Variants in RABGAP1L observed in about 807,000 individuals in gnomAD.
The protein encoded by RABGAP1L is RAB GTPase activating protein 1 like, also known as rab GTPase-activating protein 1-like.
Under a neutral mutation model 137.7 loss-of-function variants are expected in RABGAP1L, and 63 were observed. That is an observed-to-expected ratio of 0.46 (90% confidence interval 0.37 to 0.56). The LOEUF (loss-of-function observed/expected upper bound fraction) is 0.56. Among genes scored for constraint, RABGAP1L ranks in the 20% least tolerant of loss-of-function variants. RABGAP1L has a pLI of 0.00. For synonymous variants in RABGAP1L, 431 were observed against 433.7 expected (o/e 0.99, Z 0.08); for missense variants, 1,095 against 1,244.0 (o/e 0.88, Z 1.80).
chr1:174,947,801 T>G (rs67054007), intron 19 of RABGAP1L, among the ~76,000 whole-genome samples: 56,513 of 152,136 alleles, frequency 0.37, 13,825 homozygotes, highest in African/African-American at 0.7. Flanking sequence ...AAGAATATGG[T>G]TTTTCTCTTC....
chr1:174,696,526 A>G (rs1490454885), intron 15 of RABGAP1L, among the ~76,000 whole-genome samples: 5 of 152,020 alleles, frequency 3.3e-5, no homozygotes, highest in African/African-American at 4.8e-5. Context: ...CTGCTTTTCA[A>G]ATTTGTTCAG....
intron 10 of RABGAP1L, among the ~76,000 whole-genome samples, chr1:174,292,951 A>G (rs565742856): frequency 6.6e-6 from 1 of 152,314 alleles, no homozygotes; most frequent in Non-Finnish European, 1.5e-5. Context: ...ATTGAGGTGT[A>G]AGTGCCATTA....
At chr1:174,633,532 A>G (rs1490832482) in intron 13 of RABGAP1L, among the ~76,000 whole-genome samples, 7 of 149,760 alleles carry the variant, frequency 4.7e-5, no homozygotes, top group Non-Finnish European at 1.0e-4. Flanking sequence ...GGAAAAAACT[A>G]CTTTAAAGTT....
intron 19 of RABGAP1L, among the ~76,000 whole-genome samples, chr1:174,861,548 T>G (rs1406261110): frequency 6.6e-6 from 1 of 152,200 alleles, no homozygotes; most frequent in Non-Finnish European, 1.5e-5. Context: ...TCATAGTAAC[T>G]GGGCCAATTT....
intron 11 of RABGAP1L, among the ~76,000 whole-genome samples, chr1:174,357,748 A>G (rs1378420069): frequency 1.3e-5 from 2 of 152,142 alleles, no homozygotes; most frequent in African/African-American, 4.8e-5. Flanking sequence ...ATCTTTCTAT[A>G]TTTCCTGAGT....
intron 13 of RABGAP1L, among the ~76,000 whole-genome samples, chr1:174,484,975 G>A (rs1484193400): frequency 2.0e-5 from 3 of 152,056 alleles, no homozygotes; most frequent in South Asian, 4.1e-4. Flanking sequence ...TGAGTCTTCC[G>A]ATACACGGAC....
chr1:174,241,234 C>T (rs1369860008), intron 4 of RABGAP1L, among the ~76,000 whole-genome samples: 1 of 152,000 alleles, frequency 6.6e-6, no homozygotes, highest in Non-Finnish European at 1.5e-5. Context: ...GCAGGAGAAT[C>T]GCTTGAACTC....
intron 17 of RABGAP1L, among the ~76,000 whole-genome samples, chr1:174,720,209 A>T (rs1201866397): frequency 1.3e-5 from 2 of 152,098 alleles, no homozygotes; most frequent in Non-Finnish European, 2.9e-5. Context: ...CTTTTCAACA[A>T]ATGTTGCTGA....
intron 7 of RABGAP1L, among the ~76,000 whole-genome samples, chr1:174,271,301 G>C (rs1216720134): frequency 1.3e-5 from 2 of 152,196 alleles, no homozygotes; most frequent in East Asian, 3.9e-4. Context: ...CATTTGGACA[G>C]GACCAGTGAT....
At chr1:174,726,424 T>G (rs956506479) in intron 17 of RABGAP1L, among the ~76,000 whole-genome samples, 4 of 152,118 alleles carry the variant, frequency 2.6e-5, no homozygotes, top group Admixed American at 1.3e-4. Context: ...GAAGACTTTT[T>G]ATAAATTAGG....
At chr1:174,920,848 A>ATC (rs1457976868) in intron 19 of RABGAP1L, among the ~76,000 whole-genome samples, 9 of 152,194 alleles carry the variant, frequency 5.9e-5, no homozygotes, top group Non-Finnish European at 1.2e-4. Context: ...AACAACCTTT[A>ATC]TCTTGGATTT....
intron 13 of RABGAP1L, among the ~76,000 whole-genome samples, chr1:174,603,536 C>T (rs545727789): frequency 6.6e-6 from 1 of 152,206 alleles, no homozygotes; most frequent in East Asian, 1.9e-4. Context: ...AGGATTCTAC[C>T]TCCTGCTCTA....
intron 13 of RABGAP1L, among the ~76,000 whole-genome samples, chr1:174,564,510 CTT>C (rs982591914): frequency 3.3e-5 from 5 of 152,128 alleles, no homozygotes; most frequent in African/African-American, 1.2e-4. Context: ...AGACAAGTAA[CTT>C]TTTCAGCTCA....
chr1:174,890,358 T>A (rs1655920182), intron 19 of RABGAP1L, among the ~76,000 whole-genome samples: 1 of 152,228 alleles, frequency 6.6e-6, no homozygotes, highest in South Asian at 2.1e-4. Context: ...ACACTGAAGT[T>A]CATTTTCCTT....
chr1:174,344,680 C>G (rs1682283248), intron 11 of RABGAP1L, among the ~76,000 whole-genome samples: 1 of 152,148 alleles, frequency 6.6e-6, no homozygotes, highest in Admixed American at 6.5e-5. Flanking sequence ...TGGAAACAGG[C>G]TGAGTGACTG....
intron 18 of RABGAP1L, among the ~76,000 whole-genome samples, chr1:174,803,851 T>G (rs369337245): frequency 9.2e-5 from 14 of 151,900 alleles, no homozygotes; most frequent in African/African-American, 3.1e-4. Flanking sequence ...GGCAGGCGGA[T>G]CACCTGAGGT....
intron 4 of RABGAP1L, among the ~76,000 whole-genome samples, chr1:174,239,961 A>G (rs1426479222): frequency 6.6e-6 from 1 of 152,200 alleles, no homozygotes; most frequent in Non-Finnish European, 1.5e-5. Flanking sequence ...AATGCTTTGA[A>G]TTTTTCAGGA....
At chr1:174,325,607 A>C (rs6678209) in intron 11 of RABGAP1L, among the ~76,000 whole-genome samples, 1 of 151,964 alleles carries the variant, frequency 6.6e-6, no homozygotes. Context: ...TCCTGGACTC[A>C]TGGTTTCTAT....
At chr1:174,690,228 A>G (rs773669982) in intron 15 of RABGAP1L, among the ~76,000 whole-genome samples, 2 of 152,168 alleles carry the variant, frequency 1.3e-5, no homozygotes, top group Admixed American at 1.3e-4. Flanking sequence ...GCTTTGGGCA[A>G]GTTTCTTCAA....
Sources: gnomAD v4.1 joint callset for allele counts (sites outside exome capture counted in the v4.1 genomes callset) on GRCh38, gnomAD v4.1.1 for gene constraint, MANE v1.5 for transcripts, NCBI Gene and HGNC (gene_info 2026-07-23, HGNC 2026-07-21) for gene names.